FYN: variants seen among roughly 807,000 people sequenced by gnomAD.
The protein encoded by FYN is tyrosine-protein kinase Fyn.
In FYN, 10 loss-of-function variants were observed where a neutral mutation model predicts 70.2. The observed-to-expected ratio is 0.14, with a 90% CI of 0.09 to 0.24. The LOEUF (loss-of-function observed/expected upper bound fraction) is 0.24, where lower values mean the gene tolerates loss of function less well. Ranked by LOEUF, FYN falls within the 10% of genes least tolerant of loss-of-function variation. FYN has a pLI of 1.00. For missense variants in FYN, 319 were observed against 673.1 expected (o/e 0.47, Z 5.82); for synonymous variants, 236 against 248.6 (o/e 0.95, Z 0.48).
At chr6:111,682,042 T>C (rs1798802683) in intron 12 of FYN, among the ~76,000 whole-genome samples, 3 of 152,324 alleles carry the variant, frequency 2.0e-5, no homozygotes, top group South Asian at 4.1e-4. Flanking sequence ...TCCTTTGAGG[T>C]TGGAGACACA....
At chr6:111,704,845 G>A (rs1384804727) in intron 6 of FYN, among the ~76,000 whole-genome samples, 1 of 151,992 alleles carries the variant, frequency 6.6e-6, no homozygotes, top group Non-Finnish European at 1.5e-5. Flanking sequence ...GGTGGATCAT[G>A]AAGTCAGGAG....
chr6:111,692,107 C>CCA (rs1554275087), intron 12 of FYN, among the ~76,000 whole-genome samples: 2 of 148,252 alleles, frequency 1.3e-5, no homozygotes, highest in South Asian at 4.5e-4. Flanking sequence ...CATTTCCCCC[C>CCA]CCCCCAGTTC....
intron 12 of FYN, among the ~76,000 whole-genome samples, chr6:111,682,334 C>T (rs1436768874): frequency 6.6e-6 from 1 of 152,230 alleles, no homozygotes; most frequent in Non-Finnish European, 1.5e-5. Context: ...AACAGGATGA[C>T]TGCCCAAAGT....
At chr6:111,770,267 T>C (rs1156605570) in intron 3 of FYN, among the ~76,000 whole-genome samples, 2 of 152,210 alleles carry the variant, frequency 1.3e-5, no homozygotes, top group Admixed American at 6.5e-5. Context: ...TGGACATATA[T>C]TGGGTTAAAT....
chr6:111,841,972 A>C (rs530256731), intron 2 of FYN, among the ~76,000 whole-genome samples: 4 of 148,564 alleles, frequency 2.7e-5, no homozygotes, highest in Non-Finnish European at 5.9e-5. Flanking sequence ...AATTCTAAGC[A>C]TGTCCCTTCC....
intron 9 of FYN, chr6:111,699,882 G>C: frequency 1.9e-6 from 1 of 538,414 alleles, no homozygotes; most frequent in Non-Finnish European, 3.1e-6. Context: ...AGTACAACTT[G>C]AGCCATTTGC....
At chr6:111,804,567 C>T (rs182719464) in intron 2 of FYN, among the ~76,000 whole-genome samples, 53 of 152,310 alleles carry the variant, frequency 3.5e-4, no homozygotes, top group African/African-American at 1.0e-3. Context: ...ACACCATGCC[C>T]TAAATTACGT....
chr6:111,669,386 G>A lies in FYN; in HGVS notation c.1405+5113C>T, dbSNP rs1189228601. Among the ~76,000 whole-genome samples, 5 of 128,888 alleles carry A rather than the reference G, an allele frequency of 3.9e-5. 1 individual carries two copies. In the Admixed American group the frequency reaches 4.9e-4, roughly 13 times the overall value. 84.6% of individuals were successfully genotyped at this position (128,888 alleles called of 152,430 possible). On this transcript the variant is annotated intron_variant, in intron 13 of 13. Transcript: ENST00000354650. Reference sequence around the variant, plus strand: ...GGAGGCAGAGGTTGCAGTGAACCGAGATCATGCCACTGCATTCCCGTCTGG... The same window carrying A: ...GGAGGCAGAGGTTGCAGTGAACCGAAATCATGCCACTGCATTCCCGTCTGG...
At chr6:111,764,216 C>CAAAAAAAAAAAAA (rs11409465) in intron 3 of FYN, among the ~76,000 whole-genome samples, 14 of 58,364 alleles carry the variant, frequency 2.4e-4, no homozygotes, top group African/African-American at 8.9e-4. Context: ...TTTTGTCAAG[C>CAAAAAAAAAAAAA]AAAAAAAAAA....
intron 4 of FYN, among the ~76,000 whole-genome samples, chr6:111,717,808 G>A (rs946723941): frequency 6.6e-6 from 1 of 152,192 alleles, no homozygotes; most frequent in African/African-American, 2.4e-5. Flanking sequence ...TGTGTAGGTA[G>A]TTCCAAGGGA....
At chr6:111,835,424 T>C (rs749178750) in intron 2 of FYN, among the ~76,000 whole-genome samples, 6 of 152,240 alleles carry the variant, frequency 3.9e-5, no homozygotes, top group East Asian at 1.9e-4. Flanking sequence ...CCTAAGGAAA[T>C]TGAACACTCG....
At chr6:111,824,753 C>T (rs1269851264) in intron 2 of FYN, among the ~76,000 whole-genome samples, 1 of 152,028 alleles carries the variant, frequency 6.6e-6, no homozygotes, top group Non-Finnish European at 1.5e-5. Flanking sequence ...AGACCCTGTC[C>T]CCTCCACTAC....
At chr6:111,872,129 A>T (rs1562553186) in intron 1 of FYN, among the ~76,000 whole-genome samples, 1 of 152,012 alleles carries the variant, frequency 6.6e-6, no homozygotes, top group Non-Finnish European at 1.5e-5. Flanking sequence ...GAGGGGCAAG[A>T]AGGGTGATTT....
intron 3 of FYN, among the ~76,000 whole-genome samples, chr6:111,724,391 TA>T (rs1172082781): frequency 5.3e-5 from 8 of 152,170 alleles, no homozygotes; most frequent in Admixed American, 2.0e-4. Flanking sequence ...TGGTTGAACA[TA>T]CACTCCCTCC....
intron 3 of FYN, among the ~76,000 whole-genome samples, chr6:111,751,454 T>C (rs78747118): frequency 4.8e-5 from 7 of 147,282 alleles, no homozygotes; most frequent in Admixed American, 3.3e-4. Context: ...AACAAACAAT[T>C]AACAACAAAA....
At chr6:111,829,129 A>G (rs1772930989) in intron 2 of FYN, among the ~76,000 whole-genome samples, 1 of 152,246 alleles carries the variant, frequency 6.6e-6, no homozygotes, top group Non-Finnish European at 1.5e-5. Context: ...GTTAGAAAAC[A>G]TGAAATCCTA....
chr6:111,794,494 GCT>G (rs1429660532), intron 2 of FYN, among the ~76,000 whole-genome samples: 5 of 152,124 alleles, frequency 3.3e-5, no homozygotes, highest in African/African-American at 1.2e-4. Flanking sequence ...GAAGACTGAG[GCT>G]CTACCAGCAA....
intron 2 of FYN, among the ~76,000 whole-genome samples, chr6:111,801,557 G>A (rs1228603686): frequency 1.3e-5 from 2 of 152,170 alleles, no homozygotes; most frequent in South Asian, 2.1e-4. Flanking sequence ...CAGAACTTCC[G>A]TACCAGCCAC....
rs1051103694 is a variant in FYN, at chr6:111,661,647, G to A, written c.*92C>T. 7 of 1,244,534 alleles carry A rather than the reference G, an allele frequency of 5.6e-6. No individual in the cohort carries two copies. Among genetic ancestry groups the A allele is most frequent in the Admixed American group, 4.2e-5 (2 of 47,996 alleles). The allele number at this position is 1,244,534 out of a possible 1,614,324, so 77.1% of individuals were successfully genotyped here. On this transcript the variant is annotated 3_prime_UTR_variant, in exon 14 of 14. Transcript: ENST00000354650. This position sits in a 1 kb window ranked among gnomAD's most constrained non-coding sequence, Gnocchi z 4.0. The stretch of plus-strand genomic sequence containing the variant: ...ATGCAATCTGATCCTGGGCGGTTCC[G>A]CTGCTGGGGAGCAGCTGGCTACGGA...
Sources: allele counts gnomAD v4.1 joint callset (sites outside exome capture counted in the v4.1 genomes callset), GRCh38; gene constraint gnomAD v4.1.1; non-coding constraint Gnocchi (gnomAD v3.1); transcripts MANE v1.5; gene names NCBI Gene and HGNC (gene_info 2026-07-23, HGNC 2026-07-21).